ZBTB39: variants seen among roughly 807,000 people sequenced by gnomAD.
ZBTB39 encodes zinc finger and BTB domain-containing protein 39.
A neutral mutation model predicts 39.4 loss-of-function variants in ZBTB39; 25 were observed. The observed-to-expected ratio is 0.63, with a 90% confidence interval of 0.46 to 0.89. The LOEUF (loss-of-function observed/expected upper bound fraction) is 0.89, where lower values mean the gene tolerates loss of function less well. ZBTB39 is among the 40% of genes least tolerant of loss of function. The probability of loss-of-function intolerance (pLI) is 0.00; values close to 1 mark genes in which losing one functional copy is unlikely to be tolerated. For missense variants in ZBTB39, 891 were observed against 909.7 expected (o/e 0.98, Z 0.26); for synonymous variants, 373 against 359.6 (o/e 1.04, Z -0.42).
At chr12:57,005,019 T>C in intron 1 of ZBTB39, 58 bp from the exon 2 acceptor site, 1 of 1,264,230 alleles carries the variant, frequency 7.9e-7, no homozygotes, top group Non-Finnish European at 1.1e-6. Flanking sequence ...AAAGAGGGGC[T>C]ATGCAGGAGA....
At position 57,003,196 on chromosome 12, in the gene ZBTB39, C is replaced by A; in HGVS notation, c.1722G>T (p.Leu574=). The part of the protein sequence containing the change: ...SGLDARPGFG[L]QHPALQKRKL... ...TCCGCTTCTGGAGAGCTGGGTGCTG[C>A]AGCCCAAAACCAGGCCGTGCATCAA... Residue 574 remains leucine, a synonymous_variant, in exon 2 of 2, where the codon CTG becomes CTT. Transcript: ENST00000300101. The surrounding 1 kb of genome is among the most constrained non-coding windows in gnomAD (Gnocchi z 4.8). 6.2e-7 allele frequency: 1 copy of A among 1,614,110 alleles called. No individual in the cohort carries two copies. The highest frequency in any genetic ancestry group is 8.5e-7 in the Non-Finnish European group (1 of 1,179,986).
chr12:57,005,004 G>A (rs907097527), intron 1 of ZBTB39, 43 bp from the exon 2 acceptor site: 20 of 1,376,538 alleles, frequency 1.5e-5, no homozygotes, highest in South Asian at 1.1e-4. Context: ...AAACACATCC[G>A]TGCAAAAGAG....
chr12:57,004,182 G>A lies in ZBTB39; in HGVS notation c.736C>T (p.Pro246Ser), dbSNP rs770056669. ...GIQTSTSSCQ[P>S]YKVQSNGDFS... Reference sequence around the variant, plus strand: ...TCTCCATTGCTTTGAACTTTGTATGGCTGGCAGGAGCTCGTGCTGGTCTGG... The same window carrying A: ...TCTCCATTGCTTTGAACTTTGTATGACTGGCAGGAGCTCGTGCTGGTCTGG... The change falls in exon 2 of 2, where the codon CCA (proline) becomes TCA (serine). Residue 246 changes from proline (P) to serine (S), a missense_variant. By Grantham distance (74) the Pro-to-Ser change is moderately conservative. Transcript: ENST00000300101. 6 of 1,614,054 alleles carry A rather than the reference G, an allele frequency of 3.7e-6. No individual in the cohort carries two copies. Among genetic ancestry groups the A allele is most frequent in the Admixed American group, 3.3e-5 (2 of 60,000 alleles).
rs1956233524 is a variant in ZBTB39 at position 57,004,489 on chromosome 12, A to G, written c.429T>C (p.Gly143=). 1 of 1,614,184 alleles carries G rather than the reference A, an allele frequency of 6.2e-7. No homozygotes were observed. The highest frequency in any genetic ancestry group is 2.2e-5 in the East Asian group (1 of 44,886). ...PLTSTSESHS[G]TLSCPSAEPA... Reference sequence around the variant, plus strand: ...GTTCTGCCGAAGGACAACTCAGGGTACCAGAGTGGCTCTCACTGGTGCTGG... The same window carrying G: ...GTTCTGCCGAAGGACAACTCAGGGTGCCAGAGTGGCTCTCACTGGTGCTGG... The change falls in exon 2 of 2, where the codon GGT becomes GGC. Residue 143 remains glycine (G), a synonymous_variant. Transcript: ENST00000300101.
chr12:57,006,212 A>G (rs1592452843), intron 1 of ZBTB39, among the ~76,000 whole-genome samples, 193 bp downstream of exon 1: 1 of 145,336 alleles, frequency 6.9e-6, no homozygotes, highest in East Asian at 2.1e-4. Flanking sequence ...CACCCGGGTG[A>G]GCCTGTTGGG....
Position 57,004,648 on chromosome 12 carries a change from TG to T in ZBTB39, c.269del (p.Ser90Ter). On this transcript the variant is annotated frameshift_variant, in exon 2 of 2. Transcript: ENST00000300101. LOFTEE classifies it high-confidence loss of function. ...FEKVLSFVYT[S>X]ELFTDLINVG... ...CATTGATCAGGTCTGTGAAGAGTTC[TG>T]AAGTGTAGACAAAGCTCAGAACCTT... The T allele has an allele frequency of 6.2e-7, 1 of 1,614,230 alleles. No individual in the cohort carries two copies. The highest frequency in any genetic ancestry group is 1.3e-5 in the African/African-American group (1 of 75,062).
At position 57,004,580 on chromosome 12, in the gene ZBTB39, T is replaced by C; in HGVS notation, c.338A>G (p.Asp113Gly). The C allele has an allele frequency of 6.2e-7, 1 of 1,613,768 alleles. No individual in the cohort carries two copies. Among genetic ancestry groups the C allele is most frequent in the Non-Finnish European group, 8.5e-7 (1 of 1,179,970 alleles). Reference protein sequence around the residue: ...YEVAERLGMEDLLQACHSTFP... With the variant: ...YEVAERLGMEGLLQACHSTFP... ...GGTAGAGTGACAGGCCTGGAGGAGG[T>C]CCTCCATACCCAGACGCTCAGCTAC... Residue 113 changes from aspartate (D) to glycine (G), a missense_variant, in exon 2 of 2, where the codon GAC (aspartate) becomes GGC (glycine). By Grantham distance (94) the Asp-to-Gly change is moderately conservative. Coordinates refer to ENST00000300101, the MANE Select transcript of ZBTB39 (RefSeq NM_014830.3).
At chr12:57,005,121 A>G (rs1356585350) in intron 1 of ZBTB39, among the ~76,000 whole-genome samples, 160 bp from the exon 2 acceptor site, 1 of 152,144 alleles carries the variant, frequency 6.6e-6, no homozygotes, top group African/African-American at 2.4e-5. Flanking sequence ...AGGCAATGAC[A>G]TCTCCCCCTG....
chr12:57,002,728 C>T lies in ZBTB39; in HGVS notation c.*51G>A, dbSNP rs2136408963. The T allele has an allele frequency of 1.3e-6, 2 of 1,553,962 alleles. No individual in the cohort carries two copies. Among genetic ancestry groups the T allele is most frequent in the Non-Finnish European group, 1.8e-6 (2 of 1,138,194 alleles). On this transcript the variant is annotated 3_prime_UTR_variant, in exon 2 of 2. Transcript: ENST00000300101. ...GGAGGGACCAACACCTCTTAGATAT[C>T]AGCATCCTGGCTGCTGCTTGGGAGC...
chr12:57,004,010 T>C lies in ZBTB39; in HGVS notation c.908A>G (p.Asp303Gly). 6.2e-7 allele frequency: 1 copy of C among 1,614,236 alleles called. No homozygotes were observed. Among genetic ancestry groups the C allele is most frequent in the East Asian group, 2.2e-5 (1 of 44,886 alleles). ...CTCAGCAGGGTCTTCAAACTGCAAG[T>C]CATCATCCCCCAGGTCCTCGAGCTG... ...ELQLEDLGDD[D>G]LQFEDPAEDI... Residue 303 changes from aspartate (D) to glycine (G), a missense_variant, in exon 2 of 2, where the codon GAC becomes GGC. Coordinates refer to ENST00000300101, the MANE Select transcript of ZBTB39 (RefSeq NM_014830.3).
In ZBTB39 at chr12:57,003,799, G is replaced by C; in HGVS notation, c.1119C>G (p.Asn373Lys). 2 of 1,614,250 alleles carry C rather than the reference G, an allele frequency of 1.2e-6. No individual in the cohort carries two copies. Among genetic ancestry groups the C allele is most frequent in the East Asian group, 2.2e-5 (1 of 44,890 alleles). ...GGAAGTGGGTCTCGCAGACCTTGCAGTTGCCCGTCAGCAGGTCCACATGGT... is the reference window on the plus strand; with the variant it reads ...GGAAGTGGGTCTCGCAGACCTTGCACTTGCCCGTCAGCAGGTCCACATGGT... The part of the protein sequence containing the change: ...ARDHVDLLTG[N>K]CKVCETHFQD... The change falls in exon 2 of 2, where the codon AAC becomes AAG. Residue 373 changes from asparagine (N) to lysine (K), a missense_variant. Asn to Lys is a moderately conservative substitution (Grantham distance 94, BLOSUM62 0). Coordinates refer to ENST00000300101, the MANE Select transcript of ZBTB39 (RefSeq NM_014830.3). The surrounding 1 kb of genome is among the most constrained non-coding windows in gnomAD (Gnocchi z 4.8).
rs962479594 is a variant in ZBTB39, at chr12:56,999,286, C to T, written c.*3493G>A. On this transcript the variant is annotated 3_prime_UTR_variant, in exon 2 of 2. Transcript: ENST00000300101. ...CAGACCACCCCATAGAGCCCACTCC[C>T]ATACCAATAAATACAGTGTCTATCT... 14 of 152,112 alleles carry T rather than the reference C, an allele frequency of 9.2e-5. No homozygotes were observed. The highest frequency in any genetic ancestry group is 2.7e-4 in the African/African-American group (11 of 41,406). 9.4% of individuals were successfully genotyped at this position (152,112 alleles called of 1,614,324 possible).
Position 57,004,861 on chromosome 12 carries a change from T to G in ZBTB39, c.57A>C (p.Glu19Asp). ...STNHPNNLLK[E>D]LNKCRLSETM... is the part of the protein sequence containing the mutation. ...TCTCTGAGAGCCGGCACTTGTTGAG[T>G]TCCTTCAGCAGGTTGTTGGGGTGGT... The change falls in exon 2 of 2, where the codon GAA becomes GAC. Residue 19 changes from glutamate to aspartate, a missense_variant. Glu to Asp is a conservative substitution (Grantham distance 45). Transcript: ENST00000300101. 1 of 1,613,222 alleles carries G rather than the reference T, an allele frequency of 6.2e-7. No homozygotes were observed. Among genetic ancestry groups the G allele is most frequent in the African/African-American group, 1.3e-5 (1 of 75,014 alleles).
Position 57,003,457 on chromosome 12 carries a change from C to G in ZBTB39, c.1461G>C (p.Gln487His). ...TGAGGCTGCAGAGGTTAAGGTGACGCTGGTCGCAGACACTGCAGGCCTGGC... is the reference window on the plus strand; with the variant it reads ...TGAGGCTGCAGAGGTTAAGGTGACGGTGGTCGCAGACACTGCAGGCCTGGC... ...LKGQACSVCD[Q>H]RHLNLCSLMW... is the part of the protein sequence containing the mutation. Residue 487 changes from glutamine (Q) to histidine (H), a missense_variant, in exon 2 of 2, where the codon CAG becomes CAC. Coordinates refer to ENST00000300101, the MANE Select transcript of ZBTB39 (RefSeq NM_014830.3). This position sits in a 1 kb window ranked among gnomAD's most constrained non-coding sequence, Gnocchi z 4.8. 1 of 1,613,678 alleles carries G rather than the reference C, an allele frequency of 6.2e-7. No homozygotes were observed. Among genetic ancestry groups the G allele is most frequent in the East Asian group, 2.2e-5 (1 of 44,860 alleles).
Position 57,004,837 on chromosome 12 carries a change from C to A in ZBTB39, c.81G>T (p.Glu27Asp). The A allele has an allele frequency of 6.2e-7, 1 of 1,613,992 alleles. No individual in the cohort carries two copies. The highest frequency in any genetic ancestry group is 2.2e-5 in the East Asian group (1 of 44,882). ...LKELNKCRLS[E>D]TMCDVTIVVG... is the part of the protein sequence containing the mutation. ...CCACAATGGTGACGTCGCACATGGT[C>A]TCTGAGAGCCGGCACTTGTTGAGTT... The change falls in exon 2 of 2, where the codon GAG becomes GAT. Residue 27 changes from glutamate (E) to aspartate (D), a missense_variant. By Grantham distance (45) the Glu-to-Asp change is conservative (BLOSUM62 2). Transcript: ENST00000300101.
In ZBTB39 at chr12:57,004,799, G is replaced by A; in HGVS notation, c.119C>T (p.Ser40Phe). 1 of 1,614,216 alleles carries A rather than the reference G, an allele frequency of 6.2e-7. No individual in the cohort carries two copies. The highest frequency in any genetic ancestry group is 1.1e-5 in the South Asian group (1 of 91,078). ...CDVTIVVGSRSFPAHKAVLAC... is the reference protein window; with the variant it reads ...CDVTIVVGSRFFPAHKAVLAC... ...CAGCACAGCCTTGTGGGCCGGGAAG[G>A]AGCGGCTCCCCACCACAATGGTGAC... The change falls in exon 2 of 2, where the codon TCC (serine) becomes TTC (phenylalanine). Residue 40 changes from serine to phenylalanine, a missense_variant. Coordinates refer to ENST00000300101, the MANE Select transcript of ZBTB39 (RefSeq NM_014830.3).
chr12:57,006,539 G>T lies in ZBTB39; in HGVS notation c.-179C>A, dbSNP rs1956247523. 6.9e-6 allele frequency: 1 copy of T among 144,938 alleles called. No individual in the cohort carries two copies. The highest frequency in any genetic ancestry group is 2.5e-5 in the African/African-American group (1 of 40,428). The allele number at this position is 144,938 out of a possible 1,614,324, so 9.0% of individuals were successfully genotyped here. ...CTCCATCCGCCGCGCGGCTCGCCGC[G>T]ACGGCCCGGGCCGCCCCCGCCGCCC... On this transcript the variant is annotated 5_prime_UTR_variant, in exon 1 of 2. Transcript: ENST00000300101.
Position 57,003,683 on chromosome 12 carries a change from T to A in ZBTB39, c.1235A>T (p.Gln412Leu). The change falls in exon 2 of 2, where the codon CAG becomes CTG. Residue 412 changes from glutamine (Q) to leucine (L), a missense_variant. By Grantham distance (113) the Gln-to-Leu change is moderately radical. Coordinates refer to ENST00000300101, the MANE Select transcript of ZBTB39 (RefSeq NM_014830.3). The surrounding 1 kb of genome is among the most constrained non-coding windows in gnomAD (Gnocchi z 4.8). The part of the protein sequence containing the change: ...CDMCETKFFT[Q>L]WQLTLHRRDG... ...CCGTCGGTGAAGGGTCAGCTGCCACTGGGTAAAGAACTTAGTTTCACACAT... is the reference window on the plus strand; with the variant it reads ...CCGTCGGTGAAGGGTCAGCTGCCACAGGGTAAAGAACTTAGTTTCACACAT... 1 of 1,614,208 alleles carries A rather than the reference T, an allele frequency of 6.2e-7. No homozygotes were observed. The highest frequency in any genetic ancestry group is 1.1e-5 in the South Asian group (1 of 91,084).
In ZBTB39 at chr12:57,004,111, A is replaced by ACTGC; in HGVS notation, c.806_807insGCAG (p.Ile269MetfsTer13). The ACTGC allele has an allele frequency of 6.2e-7, 1 of 1,614,176 alleles. No homozygotes were observed. The highest frequency in any genetic ancestry group is 1.1e-5 in the South Asian group (1 of 91,080). On this transcript the variant is annotated frameshift_variant, in exon 2 of 2. Transcript: ENST00000300101. LOFTEE classifies it high-confidence loss of function. ...TCAGACAGGAGTTGGTCCCAGTGGT[A>ACTGC]ATGTCTACTGCATTGTCAGGGGTGA...
Sources: allele counts gnomAD v4.1 joint callset (sites outside exome capture counted in the v4.1 genomes callset), GRCh38; gene constraint gnomAD v4.1.1; non-coding constraint Gnocchi (gnomAD v3.1); transcripts MANE v1.5; gene names NCBI Gene and HGNC (gene_info 2026-07-23, HGNC 2026-07-21).